Variants in FSTL5 observed in about 807,000 individuals in gnomAD.
FSTL5 encodes the protein follistatin like 5, also known as follistatin-related protein 5.
In FSTL5, 62 loss-of-function variants were observed where a neutral mutation model predicts 89.1. The observed-to-expected ratio is 0.70, with a 90% CI of 0.57 to 0.86. The LOEUF (loss-of-function observed/expected upper bound fraction) is 0.86. FSTL5 is among the 40% of genes least tolerant of loss of function. The pLI, the probability that FSTL5 is intolerant of heterozygous loss-of-function variation, is 0.00. For synonymous variants in FSTL5, 383 were observed against 346.2 expected (o/e 1.11, Z -1.18); for missense variants, 1,057 against 1,001.6 (o/e 1.06, Z -0.75).
intron 2 of FSTL5, among the ~76,000 whole-genome samples, chr4:162,087,138 C>G (rs979966081): frequency 1.3e-5 from 2 of 152,010 alleles, no homozygotes; most frequent in Admixed American, 1.3e-4. Flanking sequence ...TTCACCAACA[C>G]GACTACCTTA....
intron 3 of FSTL5, among the ~76,000 whole-genome samples, chr4:162,017,744 T>A (rs1218607277): frequency 1.3e-5 from 2 of 152,198 alleles, no homozygotes; most frequent in African/African-American, 4.8e-5. Flanking sequence ...TTTCTCCTAA[T>A]ATATAAAGGT....
At chr4:161,466,206 T>C (rs1733742771) in intron 13 of FSTL5, among the ~76,000 whole-genome samples, 1 of 152,226 alleles carries the variant, frequency 6.6e-6, no homozygotes, top group Non-Finnish European at 1.5e-5. Flanking sequence ...ATTATGAGAT[T>C]TTTTATTTCT....
intron 4 of FSTL5, among the ~76,000 whole-genome samples, chr4:161,895,599 T>G: frequency 6.6e-6 from 1 of 152,176 alleles, no homozygotes; most frequent in East Asian, 1.9e-4. Flanking sequence ...GTTTTGATGC[T>G]ATGAATGATA....
At chr4:161,725,063 T>G (rs10019935) in intron 6 of FSTL5, among the ~76,000 whole-genome samples, 141,448 of 152,132 alleles carry the variant, frequency 0.93, 66,125 homozygotes, top group Non-Finnish European at 0.98. Context: ...GGGCGTGGTG[T>G]CACGTGCCTG....
chr4:161,687,417 T>A (rs1418273971), intron 6 of FSTL5, among the ~76,000 whole-genome samples: 2 of 152,224 alleles, frequency 1.3e-5, no homozygotes, highest in Non-Finnish European at 2.9e-5. Flanking sequence ...TTCATACATT[T>A]ATTTTTTAAT....
intron 7 of FSTL5, among the ~76,000 whole-genome samples, chr4:161,625,064 T>C (rs1313487848): frequency 6.6e-6 from 1 of 152,150 alleles, no homozygotes; most frequent in Admixed American, 6.6e-5. Context: ...TACAGTATTG[T>C]TCAATAATGG....
At chr4:161,879,356 C>G (rs1732551886) in intron 4 of FSTL5, among the ~76,000 whole-genome samples, 1 of 152,190 alleles carries the variant, frequency 6.6e-6, no homozygotes, top group African/African-American at 2.4e-5. Context: ...TTTCCTCAAT[C>G]TGCAAATTAT....
At chr4:162,091,060 T>C (rs1215276796) in intron 2 of FSTL5, among the ~76,000 whole-genome samples, 1 of 152,164 alleles carries the variant, frequency 6.6e-6, no homozygotes, top group Non-Finnish European at 1.5e-5. Flanking sequence ...ATTGAAGTGA[T>C]TATCCAGTTT....
intron 15 of FSTL5, among the ~76,000 whole-genome samples, chr4:161,411,590 G>T (rs939102592): frequency 3.3e-5 from 5 of 152,138 alleles, no homozygotes; most frequent in Non-Finnish European, 7.4e-5. Context: ...GAAACCATAT[G>T]ATCAGCTCAA....
intron 1 of FSTL5, among the ~76,000 whole-genome samples, chr4:162,154,682 C>T (rs1214573346): frequency 6.6e-6 from 1 of 151,990 alleles, no homozygotes; most frequent in Non-Finnish European, 1.5e-5. Flanking sequence ...TAAGCAAATC[C>T]ATCATTATAA....
chr4:161,597,374 C>G (rs1036641818), intron 7 of FSTL5, among the ~76,000 whole-genome samples: 4 of 148,840 alleles, frequency 2.7e-5, no homozygotes, highest in Admixed American at 6.9e-5. Flanking sequence ...CAAACTATCC[C>G]AAGGACAAAA....
chr4:161,515,388 G>C (rs1439927840), intron 10 of FSTL5, among the ~76,000 whole-genome samples: 1 of 151,930 alleles, frequency 6.6e-6, no homozygotes, highest in African/African-American at 2.4e-5. Context: ...TGTATTTTTA[G>C]TAGAGATGGC....
At chr4:161,871,987 AT>A (rs1490402269) in intron 4 of FSTL5, among the ~76,000 whole-genome samples, 6 of 66,512 alleles carry the variant, frequency 9.0e-5, no homozygotes, top group Non-Finnish European at 1.4e-4. Flanking sequence ...TAATAAAATA[AT>A]TTTTTTAATT....
chr4:161,562,142 A>ACGTT (rs1732627870), intron 8 of FSTL5, among the ~76,000 whole-genome samples: 1 of 151,944 alleles, frequency 6.6e-6, no homozygotes, highest in Non-Finnish European at 1.5e-5. Context: ...TCCCCACTGG[A>ACGTT]CGTTCATTTT....
chr4:161,912,253 G>A (rs17458719), intron 4 of FSTL5, among the ~76,000 whole-genome samples: 6,940 of 152,178 alleles, frequency 0.046, 193 homozygotes, highest in Non-Finnish European at 0.067. Context: ...TTCAGCATTT[G>A]ACAAGAGGAT....
At chr4:161,498,938 T>C (rs1730192035) in intron 12 of FSTL5, among the ~76,000 whole-genome samples, 1 of 152,152 alleles carries the variant, frequency 6.6e-6, no homozygotes, top group African/African-American at 2.4e-5. Flanking sequence ...AAGTGGCTCA[T>C]GCCTCTAATC....
At chr4:161,734,613 A>G (rs569618979) in intron 6 of FSTL5, among the ~76,000 whole-genome samples, 36 of 152,310 alleles carry the variant, frequency 2.4e-4, no homozygotes, top group African/African-American at 8.7e-4. Flanking sequence ...TGGTTGTTTT[A>G]TTACCCATTA....
chr4:161,861,437 A>AGG (rs1338075834), intron 4 of FSTL5, among the ~76,000 whole-genome samples: 1 of 151,932 alleles, frequency 6.6e-6, no homozygotes, highest in African/African-American at 2.4e-5. Flanking sequence ...AGAGAGAGAG[A>AGG]GAGAAAGAAA....
chr4:162,118,784 T>C (rs1731747040), intron 1 of FSTL5, among the ~76,000 whole-genome samples: 4 of 152,102 alleles, frequency 2.6e-5, no homozygotes, highest in Admixed American at 1.3e-4. Flanking sequence ...CTACTAGATA[T>C]AGTAGGGTAG....
Sources: allele counts gnomAD v4.1 joint callset (sites outside exome capture counted in the v4.1 genomes callset), GRCh38; gene constraint gnomAD v4.1.1; transcripts MANE v1.5; gene names NCBI Gene and HGNC (gene_info 2026-07-23, HGNC 2026-07-21).